The following UBE2G2 variants were observed in gnomAD, a reference collection of about 807,000 sequenced individuals.
The protein encoded by UBE2G2 is ubiquitin conjugating enzyme E2 G2.
UBE2G2 carries 10 observed loss-of-function variants against 23.0 expected under a neutral mutation model. That is an observed-to-expected ratio of 0.43 (90% CI 0.27 to 0.74). The LOEUF (loss-of-function observed/expected upper bound fraction) is 0.74, where lower values mean the gene tolerates loss of function less well. UBE2G2 is among the 30% of genes least tolerant of loss of function. UBE2G2 has a pLI of 0.19. For synonymous variants in UBE2G2, 86 were observed against 81.3 expected, an observed-to-expected ratio of 1.06 and a Z score of -0.31; for missense variants, 150 against 218.3, an observed-to-expected ratio of 0.69 and a Z score of 1.97.
At chr21:44,796,369 C>A (rs1428487509) in intron 1 of UBE2G2, among the ~76,000 whole-genome samples, 1 of 152,152 alleles carries the variant, frequency 6.6e-6, no homozygotes, top group African/African-American at 2.4e-5. Context: ...ATGACTACTC[C>A]CAAATACAAT....
In UBE2G2 at chr21:44,787,903, A is replaced by G. The variant is rs782102325; in HGVS notation, c.125+17T>C. 1 of 1,613,682 alleles carries G rather than the reference A, an allele frequency of 6.2e-7. No individual in the cohort carries two copies. The highest frequency in any genetic ancestry group is 2.2e-5 in the East Asian group (1 of 44,864). ...CCAGCAAAGCCCTAAAAACTAGTACACCTAAAATTAACTTACATGATCAAT... is the reference window on the plus strand; with the variant it reads ...CCAGCAAAGCCCTAAAAACTAGTACGCCTAAAATTAACTTACATGATCAAT... On this transcript the variant is annotated intron_variant, in intron 3 of 5. Transcript: ENST00000345496.
rs2082846143 is a variant in UBE2G2 at position 44,768,641 on chromosome 21, C to T, written c.*2736G>A. On this transcript the variant is annotated 3_prime_UTR_variant, in exon 6 of 6. Transcript: ENST00000345496. ...TAAGTAACAAGACGCAGAGGCAGGT[C>T]TCATCGCAACCAACCGTGACCACAG... 6.6e-6 allele frequency: 1 copy of T among 152,238 alleles called. No individual in the cohort carries two copies. The allele number at this position is 152,238 out of a possible 1,614,324, so 9.4% of individuals were successfully genotyped here. A position where few individuals can be genotyped will look rare whatever the true frequency, so the allele number is the denominator to read the frequency against.
At position 44,769,517 on chromosome 21, in the gene UBE2G2, A is replaced by C. The variant is rs1343485873; in HGVS notation, c.*1860T>G. On this transcript the variant is annotated 3_prime_UTR_variant, in exon 6 of 6. Coordinates refer to ENST00000345496, the MANE Select transcript of UBE2G2 (RefSeq NM_003343.6). ...TGCCTCAGTCTTCAGAGTAGCTGGG[A>C]CTACAGGCGCCCGCCACCACGCCCG... The C allele has an allele frequency of 6.6e-6, 1 of 151,666 alleles. No individual in the cohort carries two copies. The highest frequency in any genetic ancestry group is 1.5e-5 in the Non-Finnish European group (1 of 68,062). 9.4% of individuals were successfully genotyped at this position (151,666 alleles called of 1,614,324 possible). A position where few individuals can be genotyped will look rare whatever the true frequency, so the allele number is the denominator to read the frequency against.
At chr21:44,788,695 T>C (rs2083019978) in intron 1 of UBE2G2, among the ~76,000 whole-genome samples, 1 of 151,810 alleles carries the variant, frequency 6.6e-6, no homozygotes, top group Admixed American at 6.6e-5. Flanking sequence ...CTGTTCCTGC[T>C]GGTTACTTTG....
chr21:44,779,958 A>G (rs934849179), intron 3 of UBE2G2, among the ~76,000 whole-genome samples: 1 of 152,212 alleles, frequency 6.6e-6, no homozygotes, highest in African/African-American at 2.4e-5. Flanking sequence ...CCAGCACTCA[A>G]TATTTCTGGC....
rs2082867087 is a variant in UBE2G2 at position 44,770,778 on chromosome 21, C to T, written c.*599G>A. 1 of 152,186 alleles carries T rather than the reference C, an allele frequency of 6.6e-6. No homozygotes were observed. The highest frequency in any genetic ancestry group is 1.5e-5 in the Non-Finnish European group (1 of 68,042). 9.4% of individuals were successfully genotyped at this position (152,186 alleles called of 1,614,324 possible). ...CTTATTAATTCACACTTCAAAAAAG[C>T]ATTTCCTGGAAGTATTTCTAAGTGT... On this transcript the variant is annotated 3_prime_UTR_variant, in exon 6 of 6. Coordinates refer to ENST00000345496, the MANE Select transcript of UBE2G2 (RefSeq NM_003343.6).
chr21:44,797,741 A>AAAAAAAAAAAAAT (rs869172926), intron 1 of UBE2G2, among the ~76,000 whole-genome samples: 1 of 107,974 alleles, frequency 9.3e-6, no homozygotes, highest in African/African-American at 4.1e-5. Flanking sequence ...AAAAAAAAAA[A>AAAAAAAAAAAAAT]GAGAAAATAC....
intron 1 of UBE2G2, among the ~76,000 whole-genome samples, chr21:44,793,380 A>G (rs782523228): frequency 5.3e-5 from 8 of 152,014 alleles, no homozygotes; most frequent in Non-Finnish European, 8.8e-5. Context: ...TCCCTTAGGG[A>G]GGGGAAAGGG....
chr21:44,793,148 G>A (rs1381153012), intron 1 of UBE2G2, among the ~76,000 whole-genome samples: 1 of 152,160 alleles, frequency 6.6e-6, no homozygotes, highest in Non-Finnish European at 1.5e-5. Context: ...CTAATTATAA[G>A]AAAAAAATAA....
At chr21:44,781,666 T>C (rs1247220825) in intron 3 of UBE2G2, among the ~76,000 whole-genome samples, 3 of 152,200 alleles carry the variant, frequency 2.0e-5, no homozygotes, top group Non-Finnish European at 4.4e-5. Context: ...GGATGACATA[T>C]TTGACCCTCA....
At chr21:44,799,068 T>C (rs2083115419) in intron 1 of UBE2G2, among the ~76,000 whole-genome samples, 1 of 152,212 alleles carries the variant, frequency 6.6e-6, no homozygotes, top group African/African-American at 2.4e-5. Context: ...AATAGTATTT[T>C]GAAGATAATC....
intron 1 of UBE2G2, among the ~76,000 whole-genome samples, chr21:44,790,281 A>G (rs1388479618): frequency 1.3e-5 from 2 of 152,230 alleles, no homozygotes; most frequent in African/African-American, 4.8e-5. Flanking sequence ...CCCTTTGGGA[A>G]AGAAGTTTGA....
intron 1 of UBE2G2, among the ~76,000 whole-genome samples, chr21:44,790,974 T>C (rs1176955147): frequency 6.6e-6 from 1 of 152,176 alleles, no homozygotes; most frequent in Non-Finnish European, 1.5e-5. Flanking sequence ...GATAGTGACA[T>C]GGACAATGAA....
chr21:44,785,337 G>T (rs782812496), intron 3 of UBE2G2, among the ~76,000 whole-genome samples: 1 of 152,200 alleles, frequency 6.6e-6, no homozygotes, highest in African/African-American at 2.4e-5. Flanking sequence ...ACAGCCTGCG[G>T]ACTCTCATTA....
chr21:44,778,724 T>C (rs2082932293), intron 3 of UBE2G2, among the ~76,000 whole-genome samples: 2 of 152,212 alleles, frequency 1.3e-5, no homozygotes, highest in South Asian at 4.1e-4. Flanking sequence ...ACAGTGGAAG[T>C]TGCACTGGGT....
chr21:44,779,378 G>C lies in UBE2G2; in HGVS notation c.126-1961C>G, dbSNP rs553290262. Among the ~76,000 whole-genome samples, 9 of 131,048 alleles carry C rather than the reference G, an allele frequency of 6.9e-5. No homozygotes were observed. In the East Asian group the frequency reaches 8.1e-4, roughly 12 times the overall value. The allele number at this position is 131,048 out of a possible 152,430, so 86.0% of individuals were successfully genotyped here. A position where few individuals can be genotyped will look rare whatever the true frequency, so the allele number is the denominator to read the frequency against. ...TGTTTTGGGGAGCTGGGGTGGGGGG[G>C]GGGTACTGTGTGACAGTCCCCAGAG... is the stretch of plus-strand genomic sequence containing the variant. On this transcript the variant is annotated intron_variant, in intron 3 of 5. Coordinates refer to ENST00000345496, the MANE Select transcript of UBE2G2 (RefSeq NM_003343.6).
chr21:44,797,692 G>A (rs1226998495), intron 1 of UBE2G2, among the ~76,000 whole-genome samples: 1 of 135,374 alleles, frequency 7.4e-6, no homozygotes, highest in Non-Finnish European at 1.5e-5. Context: ...TCCAGCCTGG[G>A]CGACAGAGCA....
chr21:44,783,590 C>T (rs1555961568), intron 3 of UBE2G2, among the ~76,000 whole-genome samples: 1 of 152,210 alleles, frequency 6.6e-6, no homozygotes, highest in African/African-American at 2.4e-5. Context: ...CAAATACATT[C>T]TGCCAAGTAC....
chr21:44,784,376 C>T (rs1490450231), intron 3 of UBE2G2, among the ~76,000 whole-genome samples: 1 of 152,124 alleles, frequency 6.6e-6, no homozygotes, highest in Non-Finnish European at 1.5e-5. Context: ...TATATAGATG[C>T]TCCATAAATT....
Sources: gnomAD v4.1 joint callset for allele counts (sites outside exome capture counted in the v4.1 genomes callset) on GRCh38, gnomAD v4.1.1 for gene constraint, MANE v1.5 for transcripts, NCBI Gene and HGNC (gene_info 2026-07-23, HGNC 2026-07-21) for gene names.